RBM24: variants seen among roughly 807,000 people sequenced by gnomAD.
The protein encoded by RBM24 is RNA-binding protein 24.
Under a neutral mutation model 23.6 loss-of-function variants are expected in RBM24, and 5 were observed. The observed-to-expected ratio is 0.21, with a 90% CI of 0.11 to 0.45. The LOEUF is 0.45. RBM24 is among the 20% of genes least tolerant of loss of function. The pLI is 0.99. For missense variants in RBM24, 252 were observed against 314.6 expected (o/e 0.80, Z 1.51); for synonymous variants, 151 against 129.5 (o/e 1.17, Z -1.13).
At position 17,292,694 on chromosome 6, in the gene RBM24, G is replaced by C. The variant is rs1455071098; in HGVS notation, c.*575G>C. 6.6e-6 allele frequency: 1 copy of C among 152,652 alleles called. No individual in the cohort carries two copies. The highest frequency in any genetic ancestry group is 1.5e-5 in the Non-Finnish European group (1 of 68,056). The allele number at this position is 152,652 out of a possible 1,614,324, so 9.5% of individuals were successfully genotyped here. A position where few individuals can be genotyped will look rare whatever the true frequency, so the allele number is the denominator to read the frequency against. The stretch of plus-strand genomic sequence containing the variant: ...ACAATCAATCTAGGAGCGTGGCAGT[G>C]GGTAAAATGGTGGACAGGCACCAAA... On this transcript the variant is annotated 3_prime_UTR_variant, in exon 4 of 4. Coordinates refer to ENST00000379052, the MANE Select transcript of RBM24 (RefSeq NM_001143942.2).
At chr6:17,287,725 C>T (rs537469592) in intron 3 of RBM24, among the ~76,000 whole-genome samples, 17 of 151,890 alleles carry the variant, frequency 1.1e-4, no homozygotes, top group Admixed American at 4.6e-4. Flanking sequence ...AGGAGAATGG[C>T]GTGAACCCAG....
intron 3 of RBM24, chr6:17,290,093 T>A: frequency 7.8e-7 from 1 of 1,289,084 alleles, no homozygotes; most frequent in Non-Finnish European, 1.0e-6. Context: ...ATTTTTATCA[T>A]TGGGGCCAAA....
rs1415486614 is a variant in RBM24 at position 17,292,914 on chromosome 6, T to C, written c.*795T>C. On this transcript the variant is annotated 3_prime_UTR_variant, in exon 4 of 4. Coordinates refer to ENST00000379052, the MANE Select transcript of RBM24 (RefSeq NM_001143942.2). ...GTTTCAATTTTGGGAAACTTGTATCTGCTGGTGTCAGCAATTCTGATTCTG... is the reference window on the plus strand; with the variant it reads ...GTTTCAATTTTGGGAAACTTGTATCCGCTGGTGTCAGCAATTCTGATTCTG... The C allele has an allele frequency of 6.6e-6, 1 of 152,408 alleles. No individual in the cohort carries two copies. The highest frequency in any genetic ancestry group is 2.4e-5 in the African/African-American group (1 of 41,480). 9.4% of individuals were successfully genotyped at this position (152,408 alleles called of 1,614,324 possible).
chr6:17,291,546 G>T (rs1760356763), intron 3 of RBM24, among the ~76,000 whole-genome samples: 1 of 152,056 alleles, frequency 6.6e-6, no homozygotes, highest in Non-Finnish European at 1.5e-5. Flanking sequence ...AGCAGGGAGG[G>T]TGTCATCATA....
chr6:17,290,375 T>A lies in RBM24; in HGVS notation c.348-1381T>A, dbSNP rs1217882902. ...ATGGAGATTATTTTAAAGAAGAAGA[T>A]AAATCAGATATTTATGGTAGTGTTT... On this transcript the variant is annotated intron_variant, in intron 3 of 3. Coordinates refer to ENST00000379052, the MANE Select transcript of RBM24 (RefSeq NM_001143942.2). Among the ~76,000 whole-genome samples the A allele has an allele frequency of 2.0e-5, 3 of 152,238 alleles. No individual in the cohort carries two copies. In the East Asian group the frequency reaches 5.8e-4, roughly 29 times the overall value.
intron 3 of RBM24, among the ~76,000 whole-genome samples, chr6:17,286,130 A>G (rs1055030071): frequency 6.6e-6 from 1 of 151,516 alleles, no homozygotes; most frequent in Non-Finnish European, 1.5e-5. Context: ...ATTTCCCATG[A>G]CCACCTCCTT....
chr6:17,288,061 G>A, intron 3 of RBM24: 1 of 156,242 alleles, frequency 6.4e-6, no homozygotes, highest in Non-Finnish European at 1.4e-5. Context: ...GTAAGTGTTT[G>A]TTGAAGGCAT....
chr6:17,281,857 G>A lies in RBM24; in HGVS notation c.168+108G>A. The A allele has an allele frequency of 7.0e-7, 1 of 1,426,992 alleles. No individual in the cohort carries two copies. Among genetic ancestry groups the A allele is most frequent in the Non-Finnish European group, 9.5e-7 (1 of 1,048,906 alleles). 88.4% of individuals were successfully genotyped at this position (1,426,992 alleles called of 1,614,324 possible). A position where few individuals can be genotyped will look rare whatever the true frequency, so the allele number is the denominator to read the frequency against. On this transcript the variant is annotated intron_variant, in intron 1 of 3. Coordinates refer to ENST00000379052, the MANE Select transcript of RBM24 (RefSeq NM_001143942.2). This position sits in a 1 kb window ranked among gnomAD's most constrained non-coding sequence, Gnocchi z 7.1. ...GGCGTGACCCGTGAGGAGCCCCGCGGGTAGAGCGGCGCTGCCCCTTCGCTC... is the reference window on the plus strand; with the variant it reads ...GGCGTGACCCGTGAGGAGCCCCGCGAGTAGAGCGGCGCTGCCCCTTCGCTC...
rs1561733074 is a variant in RBM24, at chr6:17,282,768, G to A, written c.169-37G>A. The A allele has an allele frequency of 5.0e-6, 8 of 1,612,550 alleles. No individual in the cohort carries two copies. The African/African-American group carries it at 8.0e-5, about 16-fold the overall frequency. Reference sequence around the variant, plus strand: ...GATTTCCTTCATGGGTTAATTTAGAGGTTATGTATGTATGTCTGTGTGTGT... The same window carrying A: ...GATTTCCTTCATGGGTTAATTTAGAAGTTATGTATGTATGTCTGTGTGTGT... On this transcript the variant is annotated intron_variant, in intron 1 of 3. Transcript: ENST00000379052.
intron 1 of RBM24, chr6:17,282,603 TA>T (rs1760058936): frequency 3.7e-6 from 1 of 270,268 alleles, no homozygotes; most frequent in Admixed American, 6.0e-5. Context: ...TTCCTTCGTC[TA>T]CCCGCCCCCC....
At chr6:17,288,353 G>A (rs916103767) in intron 3 of RBM24, 71 of 985,316 alleles carry the variant, frequency 7.2e-5, no homozygotes, top group East Asian at 1.1e-4. Context: ...AGAAGTCTTC[G>A]TGAAGGAAGT....
intron 3 of RBM24, 78 bp from the exon 4 acceptor site, chr6:17,291,678 G>C: frequency 6.9e-7 from 1 of 1,458,218 alleles, no homozygotes; most frequent in Non-Finnish European, 9.3e-7. Context: ...CACTAAATTT[G>C]AGTTTGTTTT....
At position 17,281,429 on chromosome 6, in the gene RBM24, G is replaced by A. The variant is rs1264528732; in HGVS notation, c.-153G>A. The stretch of plus-strand genomic sequence containing the variant: ...CGCTCTCGGCCGCCCCCGGCCGCTC[G>A]CCCCCGCCGCGCCGCCGCCCTCGCC... On this transcript the variant is annotated 5_prime_UTR_variant, in exon 1 of 4. Transcript: ENST00000379052. The surrounding 1 kb of genome is among the most constrained non-coding windows in gnomAD (Gnocchi z 7.1). The A allele has an allele frequency of 3.0e-5, 11 of 362,944 alleles. No individual in the cohort carries two copies. Among genetic ancestry groups the A allele is most frequent in the Non-Finnish European group, 4.2e-5 (11 of 261,984 alleles). The allele number at this position is 362,944 out of a possible 1,614,324, so 22.5% of individuals were successfully genotyped here.
intron 3 of RBM24, chr6:17,289,387 CTT>C (rs766613357): frequency 2.2e-5 from 22 of 985,258 alleles, no homozygotes; most frequent in Admixed American, 6.2e-5. Context: ...CCAGACGTCT[CTT>C]TAACCTTTGC....
chr6:17,281,479 C>A lies in RBM24; in HGVS notation c.-103C>A. The A allele has an allele frequency of 2.8e-6, 3 of 1,087,990 alleles. No homozygotes were observed. Among genetic ancestry groups the A allele is most frequent in the Non-Finnish European group, 3.5e-6 (3 of 860,252 alleles). The allele number at this position is 1,087,990 out of a possible 1,614,324, so 67.4% of individuals were successfully genotyped here. ...CCCCGGGCTCGCCCTTGGCCCCCGG[C>A]GGCCGCGAAAGGGTGCGGGAGACGC... is the stretch of plus-strand genomic sequence containing the variant. On this transcript the variant is annotated 5_prime_UTR_variant, in exon 1 of 4. Transcript: ENST00000379052. This position sits in a 1 kb window ranked among gnomAD's most constrained non-coding sequence, Gnocchi z 7.1.
chr6:17,281,978 G>T lies in RBM24; in HGVS notation c.168+229G>T. ...GCTGTGCGAGGTCGGGGGCCGGGCA[G>T]GGCAGAGCAGGGGTGAAAGGAGAGA... On this transcript the variant is annotated intron_variant, in intron 1 of 3. Transcript: ENST00000379052. The surrounding 1 kb of genome is among the most constrained non-coding windows in gnomAD (Gnocchi z 7.1). The T allele has an allele frequency of 7.3e-7, 1 of 1,370,444 alleles. No homozygotes were observed. Among genetic ancestry groups the T allele is most frequent in the Non-Finnish European group, 9.5e-7 (1 of 1,053,806 alleles). 84.9% of individuals were successfully genotyped at this position (1,370,444 alleles called of 1,614,324 possible). A position where few individuals can be genotyped will look rare whatever the true frequency, so the allele number is the denominator to read the frequency against.
At chr6:17,289,572 G>A (rs1290451562) in intron 3 of RBM24, 4 of 985,222 alleles carry the variant, frequency 4.1e-6, no homozygotes, top group Non-Finnish European at 3.6e-6. Context: ...CTTTTTGTAG[G>A]ATAAACATTT....
In RBM24 at chr6:17,281,913, G is replaced by C. The variant is rs1180283329; in HGVS notation, c.168+164G>C. Among the ~76,000 whole-genome samples, 1 of 152,116 alleles carries C rather than the reference G, an allele frequency of 6.6e-6. No homozygotes were observed. The highest frequency in any genetic ancestry group is 1.5e-5 in the Non-Finnish European group (1 of 68,014). On this transcript the variant is annotated intron_variant, in intron 1 of 3. Transcript: ENST00000379052. The surrounding 1 kb of genome is among the most constrained non-coding windows in gnomAD (Gnocchi z 7.1). The stretch of plus-strand genomic sequence containing the variant: ...TGAACTGAAACTTTGCTAGGGGAGA[G>C]GGTCGGCGCCAGCCTCGCGGGGTTC...
intron 3 of RBM24, chr6:17,288,230 A>C (rs1760254013): frequency 1.0e-6 from 1 of 985,262 alleles, no homozygotes; most frequent in African/African-American, 1.7e-5. Context: ...GTAGCCCCAA[A>C]AGACAAAACT....
Sources: allele counts gnomAD v4.1 joint callset (sites outside exome capture counted in the v4.1 genomes callset), GRCh38; gene constraint gnomAD v4.1.1; non-coding constraint Gnocchi (gnomAD v3.1); transcripts MANE v1.5; gene names NCBI Gene and HGNC (gene_info 2026-07-23, HGNC 2026-07-21).